The following SGCZ variants were observed in gnomAD, a reference collection of about 807,000 sequenced individuals.
SGCZ encodes the protein zeta-sarcoglycan.
SGCZ carries 40 observed loss-of-function variants against 41.3 expected under a neutral mutation model. The ratio of observed to expected loss-of-function variants is 0.97; its 90% CI spans 0.75 to 1.26. The LOEUF (loss-of-function observed/expected upper bound fraction) is 1.26, where lower values mean the gene tolerates loss of function less well. Among genes scored for constraint, SGCZ ranks in the 50% most tolerant of loss-of-function variants. The pLI, the probability that SGCZ is intolerant of heterozygous loss-of-function variation, is 0.00. For synonymous variants in SGCZ, 206 were observed against 137.5 expected (o/e 1.50, Z -3.49); for missense variants, 552 against 369.8 (o/e 1.49, Z -4.04).
chr8:15,179,052 T>C (rs1800082927), intron 1 of SGCZ, among the ~76,000 whole-genome samples: 1 of 152,040 alleles, frequency 6.6e-6, no homozygotes, highest in Admixed American at 6.6e-5. Flanking sequence ...ACGTATTATA[T>C]CCATGGACAT....
At chr8:14,536,989 C>T (rs534757904) in intron 2 of SGCZ, among the ~76,000 whole-genome samples, 9 of 152,014 alleles carry the variant, frequency 5.9e-5, no homozygotes, top group African/African-American at 2.2e-4. Context: ...TTCTTTAGAA[C>T]TACAAAGGAA....
rs765165005 is a variant in SGCZ, at chr8:15,172,378, T to C, written c.39+65207A>G. 2.0e-4 allele frequency among the ~76,000 whole-genome samples: 30 copies of C among 151,426 alleles called. 1 individual carries two copies. The highest frequency in any genetic ancestry group is 2.2e-4 in the Non-Finnish European group (15 of 67,878). On this transcript the variant is annotated intron_variant, in intron 1 of 7. Coordinates refer to ENST00000382080, the MANE Select transcript of SGCZ (RefSeq NM_139167.4). Reference sequence around the variant, plus strand: ...GGTTTCACCGTGTCAGCCAGGATGGTCTCGATCTCCTGACCTCGTGATCTG... The same window carrying C: ...GGTTTCACCGTGTCAGCCAGGATGGCCTCGATCTCCTGACCTCGTGATCTG...
intron 1 of SGCZ, among the ~76,000 whole-genome samples, chr8:14,618,227 G>A (rs1806169800): frequency 6.6e-6 from 1 of 152,108 alleles, no homozygotes. Context: ...TAATTAAAAG[G>A]TAAATGATAT....
At chr8:14,555,042 G>A in intron 1 of SGCZ, 116 bp from the exon 2 acceptor site, 13 of 863,444 alleles carry the variant, frequency 1.5e-5, no homozygotes, top group Non-Finnish European at 2.3e-5. Context: ...AATTGGCAGT[G>A]AGCATTCAAA....
At chr8:14,885,003 G>T (rs1308130579) in intron 1 of SGCZ, among the ~76,000 whole-genome samples, 1 of 152,040 alleles carries the variant, frequency 6.6e-6, no homozygotes, top group Non-Finnish European at 1.5e-5. Flanking sequence ...CCACTGCCAT[G>T]ACTTTTTCCT....
Position 14,420,548 on chromosome 8 carries a change from C to T in SGCZ, c.235-96344G>A, listed in dbSNP as rs375875761. ...GATTTTTCTTATCATCTTTAATATA[C>T]TCTTTATTCCTCCTTCAGTTACCCA... On this transcript the variant is annotated intron_variant, in intron 2 of 7. Transcript: ENST00000382080. 5.3e-5 allele frequency among the ~76,000 whole-genome samples: 8 copies of T among 152,148 alleles called. No individual in the cohort carries two copies. The East Asian group carries it at 1.5e-3, about 29-fold the overall frequency.
At chr8:14,712,009 C>A (rs889646621) in intron 1 of SGCZ, among the ~76,000 whole-genome samples, 1 of 152,156 alleles carries the variant, frequency 6.6e-6, no homozygotes, top group African/African-American at 2.4e-5. Context: ...TGGCTCATGC[C>A]TGTAATCCCA....
intron 1 of SGCZ, among the ~76,000 whole-genome samples, chr8:15,016,752 T>G (rs1430414331): frequency 6.6e-6 from 1 of 152,198 alleles, no homozygotes; most frequent in Non-Finnish European, 1.5e-5. Context: ...GAGGTTTATT[T>G]GGCTCACAGT....
Position 14,742,978 on chromosome 8 carries a change from T to C in SGCZ, c.40-188052A>G, listed in dbSNP as rs546101439. 7.3e-4 allele frequency among the ~76,000 whole-genome samples: 111 copies of C among 152,262 alleles called. 1 individual carries two copies. The highest frequency in any genetic ancestry group is 1.2e-3 in the Non-Finnish European group (79 of 67,996). The stretch of plus-strand genomic sequence containing the variant: ...GAAACTGCGTTTGCTACAATGTTTG[T>C]ACCATGAGCATTTAAATTTTCTCAC... On this transcript the variant is annotated intron_variant, in intron 1 of 7. Coordinates refer to ENST00000382080, the MANE Select transcript of SGCZ (RefSeq NM_139167.4).
At chr8:14,509,440 T>C (rs1180280445) in intron 2 of SGCZ, among the ~76,000 whole-genome samples, 2 of 152,322 alleles carry the variant, frequency 1.3e-5, no homozygotes, top group Non-Finnish European at 2.9e-5. Flanking sequence ...TGGATATGAT[T>C]CTTACTTTTG....
chr8:14,096,470 G>A (rs747123032), intron 7 of SGCZ, among the ~76,000 whole-genome samples: 1 of 152,142 alleles, frequency 6.6e-6, no homozygotes, highest in African/African-American at 2.4e-5. Context: ...TGATCGTGGT[G>A]GATAAGCTTT....
intron 5 of SGCZ, among the ~76,000 whole-genome samples, chr8:14,157,287 A>C (rs1403194103): frequency 6.7e-6 from 1 of 148,678 alleles, no homozygotes; most frequent in Non-Finnish European, 1.5e-5. Flanking sequence ...ATGTATATAC[A>C]TATTATATTT....
At chr8:15,029,176 C>T (rs557313605) in intron 1 of SGCZ, among the ~76,000 whole-genome samples, 12 of 151,992 alleles carry the variant, frequency 7.9e-5, no homozygotes, top group South Asian at 2.1e-4. Flanking sequence ...GCAAGCAATA[C>T]AGCATAAGAA....
At chr8:15,000,960 T>C (rs562595179) in intron 1 of SGCZ, among the ~76,000 whole-genome samples, 4 of 152,086 alleles carry the variant, frequency 2.6e-5, no homozygotes, top group African/African-American at 9.7e-5. Context: ...AATCCCAGAG[T>C]GTATACTCAA....
intron 1 of SGCZ, among the ~76,000 whole-genome samples, chr8:15,186,795 G>C (rs533518950): frequency 1.1e-4 from 16 of 152,270 alleles, no homozygotes; most frequent in Non-Finnish European, 2.4e-4. Context: ...AGACAAAGAA[G>C]TCTACAACAT....
intron 1 of SGCZ, among the ~76,000 whole-genome samples, chr8:15,175,482 T>C (rs1007237188): frequency 2.6e-5 from 4 of 152,010 alleles, no homozygotes; most frequent in Non-Finnish European, 2.9e-5. Flanking sequence ...GGGAGCTAAA[T>C]GATGAGAACA....
At chr8:15,007,418 T>A (rs1202464198) in intron 1 of SGCZ, among the ~76,000 whole-genome samples, 1 of 152,214 alleles carries the variant, frequency 6.6e-6, no homozygotes, top group Admixed American at 6.5e-5. Context: ...TCTCTAAAAC[T>A]CTGATTCGAA....
At chr8:14,345,035 T>C (rs1018028554) in intron 2 of SGCZ, among the ~76,000 whole-genome samples, 4 of 152,142 alleles carry the variant, frequency 2.6e-5, no homozygotes, top group Middle Eastern at 3.2e-3. Context: ...TACGTGTGCA[T>C]ATACACACAC....
rs980151128 is a variant in SGCZ at position 14,579,810 on chromosome 8, G to C, written c.40-24884C>G. Among the ~76,000 whole-genome samples, 11 of 152,250 alleles carry C rather than the reference G, an allele frequency of 7.2e-5. No individual in the cohort carries two copies. The East Asian group carries it at 1.7e-3, about 24-fold the overall frequency. Reference sequence around the variant, plus strand: ...TTCATAGGCATCATAATTTTCTCTTGATTCCCTTTTGTGTATCTAGGTTAG... The same window carrying C: ...TTCATAGGCATCATAATTTTCTCTTCATTCCCTTTTGTGTATCTAGGTTAG... On this transcript the variant is annotated intron_variant, in intron 1 of 7. Transcript: ENST00000382080.
Sources: gnomAD v4.1 joint callset for allele counts (sites outside exome capture counted in the v4.1 genomes callset) on GRCh38, gnomAD v4.1.1 for gene constraint, MANE v1.5 for transcripts, NCBI Gene and HGNC (gene_info 2026-07-23, HGNC 2026-07-21) for gene names.